KIF13A: variants seen among roughly 807,000 people sequenced by gnomAD.
KIF13A encodes kinesin-like protein KIF13A.
In KIF13A, 79 loss-of-function variants were observed where a neutral mutation model predicts 212.2. That is an observed-to-expected ratio of 0.37 (90% CI 0.31 to 0.45). The LOEUF is 0.45. Among genes scored for constraint, KIF13A ranks in the 20% least tolerant of loss-of-function variants. The pLI is 1.00. For synonymous variants in KIF13A, 789 were observed against 808.6 expected (o/e 0.98, Z 0.41); for missense variants, 1,901 against 2,209.0 (o/e 0.86, Z 2.79).
chr6:17,840,337 G>C (rs1306334605), intron 9 of KIF13A, among the ~76,000 whole-genome samples: 1 of 152,114 alleles, frequency 6.6e-6, no homozygotes, highest in Non-Finnish European at 1.5e-5. Context: ...GCAAGTAGGA[G>C]TTCAATAAAA....
chr6:17,783,591 G>T lies in KIF13A; in HGVS notation c.3544+55C>A, dbSNP rs1229071490. On this transcript the variant is annotated intron_variant, in intron 29 of 38. Transcript: ENST00000259711. The surrounding 1 kb of genome is among the most constrained non-coding windows in gnomAD (Gnocchi z 4.3). ...GATCAAAATAATGTGAATCTGGATA[G>T]ATTACAAACCTTAGTTAAATACAAT... 2.7e-6 allele frequency: 3 copies of T among 1,131,824 alleles called. No homozygotes were observed. Among genetic ancestry groups the T allele is most frequent in the African/African-American group, 1.5e-5 (1 of 65,082 alleles). The allele number at this position is 1,131,824 out of a possible 1,614,324, so 70.1% of individuals were successfully genotyped here.
chr6:17,874,077 T>G (rs973839107), intron 3 of KIF13A, among the ~76,000 whole-genome samples: 6 of 152,204 alleles, frequency 3.9e-5, no homozygotes, highest in African/African-American at 1.2e-4. Flanking sequence ...AGTCCATGGT[T>G]TCAGCAACCA....
At chr6:17,916,079 T>G (rs185618285) in intron 2 of KIF13A, among the ~76,000 whole-genome samples, 9 of 152,290 alleles carry the variant, frequency 5.9e-5, no homozygotes, top group Admixed American at 3.9e-4. Context: ...AATACAGACC[T>G]GGGAGCTACA....
At chr6:17,929,494 G>A (rs1041756493) in intron 2 of KIF13A, among the ~76,000 whole-genome samples, 9 of 151,302 alleles carry the variant, frequency 5.9e-5, no homozygotes, top group Non-Finnish European at 1.2e-4. Context: ...TCTGCCTCCC[G>A]GGTTCACGGC....
chr6:17,879,128 C>T (rs1412125635), intron 3 of KIF13A, among the ~76,000 whole-genome samples: 2 of 152,090 alleles, frequency 1.3e-5, no homozygotes, highest in East Asian at 1.9e-4. Context: ...AGTGATCTCC[C>T]AATCCCCTTT....
Position 17,828,605 on chromosome 6 carries a change from A to G in KIF13A, c.1402-235T>C, listed in dbSNP as rs901175958. On this transcript the variant is annotated intron_variant, in intron 13 of 38. Coordinates refer to ENST00000259711, the MANE Select transcript of KIF13A (RefSeq NM_022113.6). The surrounding 1 kb of genome is among the most constrained non-coding windows in gnomAD (Gnocchi z 4.3). ...AATCCCCAATCAACAATGATTAGTT[A>G]TTGTTTTTAACACAGGAAATTGGAC... is the stretch of plus-strand genomic sequence containing the variant. Among the ~76,000 whole-genome samples, 2 of 152,222 alleles carry G rather than the reference A, an allele frequency of 1.3e-5. No individual in the cohort carries two copies. Among genetic ancestry groups the G allele is most frequent in the African/African-American group, 4.8e-5 (2 of 41,460 alleles).
intron 3 of KIF13A, among the ~76,000 whole-genome samples, chr6:17,890,586 A>G (rs1032838499): frequency 1.3e-4 from 19 of 151,454 alleles, no homozygotes; most frequent in Non-Finnish European, 2.4e-4. Context: ...AAAGTTAATC[A>G]GAAGGTGGCT....
chr6:17,949,205 G>A (rs1204027209), intron 2 of KIF13A, among the ~76,000 whole-genome samples: 8 of 152,144 alleles, frequency 5.3e-5, no homozygotes, highest in Non-Finnish European at 8.8e-5. Context: ...AAAATTTATC[G>A]TGCCCTGGTT....
At chr6:17,913,275 A>G (rs2150507836) in intron 2 of KIF13A, among the ~76,000 whole-genome samples, 1 of 152,240 alleles carries the variant, frequency 6.6e-6, no homozygotes, top group Admixed American at 6.5e-5. Context: ...GAAACATTCT[A>G]TGGGTTTGGG....
intron 4 of KIF13A, among the ~76,000 whole-genome samples, chr6:17,863,429 A>G (rs1480208537): frequency 6.6e-6 from 1 of 151,862 alleles, no homozygotes; most frequent in Non-Finnish European, 1.5e-5. Context: ...CAATATAAAA[A>G]ACTATATCAG....
rs1213630319 is a variant in KIF13A at position 17,856,772 on chromosome 6, T to C, written c.221-650A>G. Among the ~76,000 whole-genome samples the C allele has an allele frequency of 6.6e-6, 1 of 152,172 alleles. No homozygotes were observed. On this transcript the variant is annotated intron_variant, in intron 4 of 38. Transcript: ENST00000259711. The surrounding 1 kb of genome is among the most constrained non-coding windows in gnomAD (Gnocchi z 4.5). The stretch of plus-strand genomic sequence containing the variant: ...TGAAGAGTAAAGGAGTGACAATCTG[T>C]TTTAAACACATAAAAGGACAGCATT...
chr6:17,769,899 A>T lies in KIF13A; in HGVS notation c.4581+1215T>A, dbSNP rs1305390355. On this transcript the variant is annotated intron_variant, in intron 38 of 38. Transcript: ENST00000259711. This position sits in a 1 kb window ranked among gnomAD's most constrained non-coding sequence, Gnocchi z 5.8. ...AATGTGCGGATTCTTCTCCATCAGG[A>T]ACTAGGACAGGGCTTTGGGATAGAG... Among the ~76,000 whole-genome samples the T allele has an allele frequency of 6.6e-6, 1 of 152,142 alleles. No homozygotes were observed. The highest frequency in any genetic ancestry group is 1.5e-5 in the Non-Finnish European group (1 of 68,044).
intron 19 of KIF13A, among the ~76,000 whole-genome samples, 171 bp from the exon 20 acceptor site, chr6:17,804,681 C>A (rs1024637687): frequency 1.3e-5 from 2 of 151,508 alleles, no homozygotes; most frequent in Non-Finnish European, 1.5e-5. Flanking sequence ...GGCGTGGTGG[C>A]GCACGCCTGT....
In KIF13A at chr6:17,888,478, AAATATAAT is replaced by A. The variant is rs1771748638; in HGVS notation, c.159+9682_159+9689del. Among the ~76,000 whole-genome samples, 1 of 152,230 alleles carries A rather than the reference AAATATAAT, an allele frequency of 6.6e-6. No individual in the cohort carries two copies. The highest frequency in any genetic ancestry group is 2.4e-5 in the African/African-American group (1 of 41,458). On this transcript the variant is annotated intron_variant, in intron 3 of 38. Coordinates refer to ENST00000259711, the MANE Select transcript of KIF13A (RefSeq NM_022113.6). This position sits in a 1 kb window ranked among gnomAD's most constrained non-coding sequence, Gnocchi z 4.8. The stretch of plus-strand genomic sequence containing the variant: ...GATCTGAAACAGAGCTGTCCCATAG[AAATATAAT>A]GCTAGCCATATAAATAATTTAAAAT...
At chr6:17,830,716 C>T (rs1469706821) in intron 13 of KIF13A, among the ~76,000 whole-genome samples, 1 of 151,974 alleles carries the variant, frequency 6.6e-6, no homozygotes, top group African/African-American at 2.4e-5. Flanking sequence ...CTTGAGATCT[C>T]CTTGGAATTA....
chr6:17,860,764 A>G (rs1335118175), intron 4 of KIF13A, among the ~76,000 whole-genome samples: 1 of 152,144 alleles, frequency 6.6e-6, no homozygotes. Context: ...TTAAAAATAA[A>G]TGTTTAATTG....
intron 3 of KIF13A, among the ~76,000 whole-genome samples, chr6:17,878,987 T>A (rs2064187): frequency 0.57 from 87,006 of 152,030 alleles, 25,011 homozygotes; most frequent in Middle Eastern, 0.63. Context: ...CAAACCAGTC[T>A]TGGAGTATAG....
Position 17,987,277 on chromosome 6 carries a change from G to T in KIF13A, c.55+132C>A. 1 of 855,284 alleles carries T rather than the reference G, an allele frequency of 1.2e-6. No homozygotes were observed. The highest frequency in any genetic ancestry group is 1.5e-6 in the Non-Finnish European group (1 of 654,608). 53.0% of individuals were successfully genotyped at this position (855,284 alleles called of 1,614,324 possible). On this transcript the variant is annotated intron_variant, in intron 1 of 38. Transcript: ENST00000259711. The surrounding 1 kb of genome is among the most constrained non-coding windows in gnomAD (Gnocchi z 7.7). ...TGGAGACGGCGCCCCGGGCACCACG[G>T]CCAGCGCGGACGCCGCCTCCGCCCC...
At chr6:17,936,283 T>C (rs1776454299) in intron 2 of KIF13A, 2 of 153,738 alleles carry the variant, frequency 1.3e-5, no homozygotes, top group Middle Eastern at 2.5e-3. Context: ...GTAGCTGGGA[T>C]TGCACATATG....
Sources: gnomAD v4.1 joint callset for allele counts (sites outside exome capture counted in the v4.1 genomes callset) on GRCh38, gnomAD v4.1.1 for gene constraint, Gnocchi (gnomAD v3.1) non-coding constraint, MANE v1.5 for transcripts, NCBI Gene and HGNC (gene_info 2026-07-23, HGNC 2026-07-21) for gene names.